Variants in CTBP2 observed in about 807,000 individuals in gnomAD.
CTBP2 encodes C-terminal binding protein 2.
Under a neutral mutation model 80.3 loss-of-function variants are expected in CTBP2, and 30 were observed. That is an observed-to-expected ratio of 0.37 (90% CI 0.28 to 0.51). The LOEUF is 0.51. CTBP2 is among the 20% of genes least tolerant of loss of function. The pLI is 0.93. For missense variants in CTBP2, 1,212 were observed against 1,375.3 expected (o/e 0.88, Z 1.88); for synonymous variants, 594 against 587.4 (o/e 1.01, Z -0.16).
Position 125,026,682 on chromosome 10 carries a change from G to T in CTBP2, c.1078C>A (p.Arg360=). 5.0e-6 allele frequency: 8 copies of T among 1,609,230 alleles called. No homozygotes were observed. The highest frequency in any genetic ancestry group is 5.9e-6 in the Non-Finnish European group (7 of 1,178,360). ...CGCGCCCGGGGCAGCGGGCCCCCCC[G>T]GTCCTGCCTCCGCAGCTGCATTTCG... is the stretch of plus-strand genomic sequence containing the variant. Residue 360 remains arginine, a synonymous_variant, in exon 1 of 9, where the codon CGG becomes AGG. Transcript: ENST00000309035.
At chr10:125,141,932 C>G (rs549197264) in intron 1 of CTBP2, among the ~76,000 whole-genome samples, 1 of 152,308 alleles carries the variant, frequency 6.6e-6, no homozygotes, top group Admixed American at 6.5e-5. Context: ...CTCACAGTCC[C>G]TCTGGACCTG....
intron 1 of CTBP2, among the ~76,000 whole-genome samples, chr10:125,127,401 G>A (rs748268848): frequency 2.5e-4 from 38 of 152,160 alleles, no homozygotes; most frequent in Admixed American, 1.0e-3. Flanking sequence ...GGGGCTAGCC[G>A]TGCACGTCAG....
chr10:125,153,609 C>T (rs1860397663), intron 1 of CTBP2, among the ~76,000 whole-genome samples: 1 of 152,224 alleles, frequency 6.6e-6, no homozygotes, highest in Non-Finnish European at 1.5e-5. Flanking sequence ...CGCTGCCACA[C>T]ACACACCTGC....
intron 2 of CTBP2, among the ~76,000 whole-genome samples, chr10:125,107,925 T>C (rs550657036): frequency 6.6e-6 from 1 of 152,386 alleles, no homozygotes; most frequent in African/African-American, 2.4e-5. Context: ...CCCTCATTTA[T>C]GAGCATTTAA....
chr10:125,103,287 C>T (rs1850924874), intron 2 of CTBP2, among the ~76,000 whole-genome samples: 1 of 152,084 alleles, frequency 6.6e-6, no homozygotes, highest in Non-Finnish European at 1.5e-5. Context: ...TTCATTCATT[C>T]AAAAAATTAC....
chr10:125,051,654 C>T (rs1205231213), intron 2 of CTBP2, among the ~76,000 whole-genome samples: 1 of 113,684 alleles, frequency 8.8e-6, no homozygotes, highest in South Asian at 2.9e-4. Flanking sequence ...TAGAAACCAA[C>T]CAACCAAAAA....
At chr10:125,067,182 A>T (rs940276557) in intron 2 of CTBP2, among the ~76,000 whole-genome samples, 1 of 152,234 alleles carries the variant, frequency 6.6e-6, no homozygotes, top group African/African-American at 2.4e-5. Flanking sequence ...TGAGAAAAAC[A>T]TCACACAAAC....
At chr10:125,098,724 C>CAGAGAGAGAGAGAGACAGAG (rs1850066502) in intron 2 of CTBP2, among the ~76,000 whole-genome samples, 1 of 75,668 alleles carries the variant, frequency 1.3e-5, no homozygotes, top group African/African-American at 6.4e-5. Flanking sequence ...GAGAGAGAGA[C>CAGAGAGAGAGAGAGACAGAG]AGAGAGAGAG....
intron 2 of CTBP2, among the ~76,000 whole-genome samples, chr10:125,102,556 C>T (rs967164756): frequency 6.6e-5 from 10 of 152,224 alleles, no homozygotes; most frequent in African/African-American, 2.4e-4. Flanking sequence ...ATGTTGAGTC[C>T]TCCTTCCCAG....
At chr10:125,083,972 G>A (rs551043132) in intron 2 of CTBP2, among the ~76,000 whole-genome samples, 1 of 152,236 alleles carries the variant, frequency 6.6e-6, no homozygotes, top group Admixed American at 6.5e-5. Flanking sequence ...GTAGATATGG[G>A]GTTTCACTAT....
At chr10:125,055,262 C>T (rs1963644949) in intron 2 of CTBP2, among the ~76,000 whole-genome samples, 1 of 152,178 alleles carries the variant, frequency 6.6e-6, no homozygotes, top group Admixed American at 6.5e-5. Context: ...AGGTTCAGGG[C>T]ACAAACACAG....
In CTBP2 at chr10:124,998,155, T is replaced by A; in HGVS notation, c.1994A>T (p.Asn665Ile). 1 of 1,607,672 alleles carries A rather than the reference T, an allele frequency of 6.2e-7. No homozygotes were observed. Among genetic ancestry groups the A allele is most frequent in the Non-Finnish European group, 8.5e-7 (1 of 1,177,836 alleles). ...CTCTTCCACGGCTGCAGACGGGATG[T>A]TGCACACGGCAATTCCTGAAAGGGA... is the stretch of plus-strand genomic sequence containing the variant. The change falls in exon 4 of 9, where the codon AAC becomes ATC. Residue 665 changes from asparagine (N) to isoleucine (I), a missense_variant. Physicochemically the swap from Asn to Ile is moderately radical, Grantham distance 149. Around this residue, in one of 3 missense-constraint regions of CTBP2, gnomAD observed 335 missense variants for 504.7 expected, o/e 0.66. Coordinates refer to ENST00000309035, the MANE Select transcript of CTBP2 (RefSeq NM_022802.3).
chr10:125,073,595 T>C (rs927165904), intron 2 of CTBP2, among the ~76,000 whole-genome samples: 3 of 152,222 alleles, frequency 2.0e-5, no homozygotes, highest in African/African-American at 4.8e-5. Context: ...ATAAACATGT[T>C]AATAAAATTG....
chr10:125,057,538 T>C (rs1289560457), intron 2 of CTBP2, among the ~76,000 whole-genome samples: 2 of 152,210 alleles, frequency 1.3e-5, no homozygotes, highest in Non-Finnish European at 2.9e-5. Flanking sequence ...CTTTTGGGGA[T>C]GACGTTTTTG....
intron 1 of CTBP2, among the ~76,000 whole-genome samples, chr10:125,018,776 G>A (rs980354495): frequency 3.9e-5 from 6 of 152,168 alleles, no homozygotes; most frequent in African/African-American, 7.2e-5. Flanking sequence ...ATTGCAGGAC[G>A]CGCTCCCCGC....
intron 1 of CTBP2, among the ~76,000 whole-genome samples, chr10:125,120,697 A>G (rs1213042499): frequency 6.6e-6 from 1 of 152,178 alleles, no homozygotes; most frequent in East Asian, 1.9e-4. Flanking sequence ...ATTTCTTTAG[A>G]GAAAGGGTCT....
Position 125,099,715 on chromosome 10 carries a change from C to T in CTBP2, c.-102+11275G>A, listed in dbSNP as rs188073839. 1.3e-3 allele frequency among the ~76,000 whole-genome samples: 202 copies of T among 152,378 alleles called. 2 individuals are homozygous for T. Among genetic ancestry groups the T allele is most frequent in the African/African-American group, 4.4e-3 (183 of 41,588 alleles). ...GCCAAGCTACCAGGGGAGGTGGCACCTCCAAGAGTGGCAGAAGGGTCCCAA... is the reference window on the plus strand; with the variant it reads ...GCCAAGCTACCAGGGGAGGTGGCACTTCCAAGAGTGGCAGAAGGGTCCCAA... On this transcript the variant is annotated intron_variant, in intron 2 of 10. Coordinates refer to the CTBP2 transcript ENST00000337195.
chr10:125,071,142 G>C (rs1333581459), intron 2 of CTBP2, among the ~76,000 whole-genome samples: 1 of 152,166 alleles, frequency 6.6e-6, no homozygotes, highest in East Asian at 1.9e-4. Flanking sequence ...CCACGACCTC[G>C]TATCTGTGCC....
chr10:125,129,225 G>A (rs1020421353), intron 1 of CTBP2, among the ~76,000 whole-genome samples: 3 of 152,164 alleles, frequency 2.0e-5, no homozygotes, highest in Admixed American at 6.5e-5. Context: ...GAGATGATCA[G>A]GGAGGTGAGG....
Sources: allele counts gnomAD v4.1 joint callset (sites outside exome capture counted in the v4.1 genomes callset), GRCh38; gene constraint gnomAD v4.1.1; regional missense constraint gnomAD v4.1.1; transcripts MANE v1.5; gene names NCBI Gene and HGNC (gene_info 2026-07-23, HGNC 2026-07-21).